MICB: variants seen among roughly 807,000 people sequenced by gnomAD.
MICB encodes MHC class I polypeptide-related sequence B.
In MICB, 27 loss-of-function variants were observed where a neutral mutation model predicts 34.3. The ratio of observed to expected loss-of-function variants is 0.79; its 90% CI spans 0.58 to 1.08. The LOEUF is 1.08. Ranked by LOEUF, MICB falls within the 50% of genes least tolerant of loss-of-function variation. The pLI is 0.00. For missense variants in MICB, 426 were observed against 483.1 expected (o/e 0.88, Z 1.11); for synonymous variants, 153 against 187.4 (o/e 0.82, Z 1.50).
In MICB at chr6:31,498,210, T is replaced by G. The variant is rs771392520; in HGVS notation, c.17T>G (p.Val6Gly). 11 of 1,584,870 alleles carry G rather than the reference T, an allele frequency of 6.9e-6. No homozygotes were observed. The South Asian group carries it at 1.2e-4, about 18-fold the overall frequency. MGLGR[V>G]LLFLAVAFPF... ...GTAGGGGCCATGGGGCTGGGCCGGGTCCTGCTGTTTCTGGCCGTCGCCTTC... is the reference window on the plus strand; with the variant it reads ...GTAGGGGCCATGGGGCTGGGCCGGGGCCTGCTGTTTCTGGCCGTCGCCTTC... Residue 6 changes from valine (V) to glycine (G), a missense_variant, in exon 1 of 6, where the codon GTC (valine) becomes GGC (glycine). Val to Gly is a moderately radical substitution (Grantham distance 109). Transcript: ENST00000252229.
chr6:31,496,366 C>CTTTTTTTTT (rs3034154), upstream of MICB, among the ~76,000 whole-genome samples: 24 of 121,630 alleles, frequency 2.0e-4, no homozygotes, highest in Non-Finnish European at 3.0e-4. Flanking sequence ...TCCTTTTTTT[C>CTTTTTTTTT]TTTTTTTTTT....
intron 1 of MICB, 116 bp downstream of exon 1, chr6:31,498,379 G>C (rs1408182728): frequency 1.3e-5 from 9 of 685,640 alleles, no homozygotes; most frequent in Non-Finnish European, 2.0e-5. Flanking sequence ...TGTGCTGTCT[G>C]GAGTGCAGGG....
At chr6:31,500,734 C>T (rs1764972889) in intron 1 of MICB, among the ~76,000 whole-genome samples, 1 of 152,182 alleles carries the variant, frequency 6.6e-6, no homozygotes. Flanking sequence ...TATTTCACTT[C>T]ACATGATGAC....
At chr6:31,501,574 T>C (rs1393320066) in intron 1 of MICB, among the ~76,000 whole-genome samples, 1 of 152,226 alleles carries the variant, frequency 6.6e-6, no homozygotes, top group African/African-American at 2.4e-5. Context: ...AGGTCATAGA[T>C]TTACATCTTT....
chr6:31,507,162 C>T lies in MICB; in HGVS notation c.754C>T (p.Gln252Ter). Residue 252 changes from glutamine to a stop codon, truncating the protein, a stop_gained, in exon 4 of 6, where the codon CAG becomes TAG. Transcript: ENST00000252229. LOFTEE classifies it high-confidence loss of function. This position sits in a 1 kb window ranked among gnomAD's most constrained non-coding sequence, Gnocchi z 6.0. ...GGTATCTTTGAGCCACAACACCCAG[C>T]AGTGGGGGGATGTCCTGCCTGATGG... ...DGVSLSHNTQ[Q>*]WGDVLPDGNG... 6.2e-7 allele frequency: 1 copy of T among 1,614,148 alleles called. No homozygotes were observed. The highest frequency in any genetic ancestry group is 8.5e-7 in the Non-Finnish European group (1 of 1,180,020).
chr6:31,503,986 T>TGTGTGTGTGTG (rs1371417972), intron 1 of MICB, among the ~76,000 whole-genome samples: 1,544 of 147,884 alleles, frequency 0.01, 13 homozygotes, highest in African/African-American at 0.021. Flanking sequence ...TGTGTGTGTG[T>TGTGTGTGTGTG]GATAATAGCC....
intron 1 of MICB, 108 bp from the exon 2 acceptor site, chr6:31,505,509 C>T (rs3134899): frequency 0.79 from 1,172,282 of 1,488,652 alleles, 463,851 homozygotes; most frequent in East Asian, 0.9. Context: ...TTTGCCCATG[C>T]GCATTTCCTG....
At chr6:31,506,472 G>C (rs902149957) in intron 3 of MICB, 42 bp downstream of exon 3, 2 of 1,589,842 alleles carry the variant, frequency 1.3e-6, no homozygotes, top group Non-Finnish European at 1.7e-6. Flanking sequence ...CCGCAATTCT[G>C]CTAGAGTTGC....
In MICB at chr6:31,498,236, C is replaced by T; in HGVS notation, c.43C>T (p.Pro15Ser). Reference sequence around the variant, plus strand: ...CCTGCTGTTTCTGGCCGTCGCCTTCCCTTTTGCACCCCCGGCAGCCGCCGC... The same window carrying T: ...CCTGCTGTTTCTGGCCGTCGCCTTCTCTTTTGCACCCCCGGCAGCCGCCGC... ...RVLLFLAVAF[P>S]FAPPAAAAEP... Residue 15 changes from proline (P) to serine (S), a missense_variant, in exon 1 of 6, where the codon CCT becomes TCT. Physicochemically the swap from Pro to Ser is moderately conservative, Grantham distance 74. Transcript: ENST00000252229. 1 of 1,583,174 alleles carries T rather than the reference C, an allele frequency of 6.3e-7. No individual in the cohort carries two copies. The highest frequency in any genetic ancestry group is 8.6e-7 in the Non-Finnish European group (1 of 1,162,954).
chr6:31,509,013 G>A (rs1376890291), intron 5 of MICB, among the ~76,000 whole-genome samples: 1 of 152,152 alleles, frequency 6.6e-6, no homozygotes, highest in Non-Finnish European at 1.5e-5. Flanking sequence ...CAAGGGCAGT[G>A]GCCTGGGTGG....
intron 5 of MICB, among the ~76,000 whole-genome samples, chr6:31,508,649 C>G (rs777558211): frequency 6.6e-6 from 1 of 152,204 alleles, no homozygotes; most frequent in Non-Finnish European, 1.5e-5. Flanking sequence ...GGGATTGTCA[C>G]TTCTGGTTCC....
intron 1 of MICB, among the ~76,000 whole-genome samples, chr6:31,502,208 G>C (rs560299796): frequency 6.6e-6 from 1 of 152,280 alleles, no homozygotes; most frequent in Non-Finnish European, 1.5e-5. Context: ...GGTGGCATAT[G>C]CCTGTAATCC....
chr6:31,506,730 G>A lies in MICB; in HGVS notation c.614-292G>A, dbSNP rs192400273. Among the ~76,000 whole-genome samples, 589 of 152,176 alleles carry A rather than the reference G, an allele frequency of 3.9e-3. 2 individuals are homozygous for A. Among genetic ancestry groups the A allele is most frequent in the Non-Finnish European group, 5.9e-3 (400 of 67,974 alleles). ...GCCAGGGCTGCCCCCTCTGCCTCCCGGCCTGCCCATCCCGGAGAGTTCCCT... is the reference window on the plus strand; with the variant it reads ...GCCAGGGCTGCCCCCTCTGCCTCCCAGCCTGCCCATCCCGGAGAGTTCCCT... On this transcript the variant is annotated intron_variant, in intron 3 of 5. Transcript: ENST00000252229.
Position 31,507,215 on chromosome 6 carries a change from CA to C in MICB, c.808del (p.Thr270ProfsTer75). 6.2e-7 allele frequency: 1 copy of C among 1,614,112 alleles called. No homozygotes were observed. The highest frequency in any genetic ancestry group is 8.5e-7 in the Non-Finnish European group (1 of 1,180,016). Reference protein sequence around the residue: ...GNGTYQTWVATRIRQGEEQRF... With the variant: ...GNGTYQTWVAXRIRQGEEQRF... ...ATGGAACCTACCAGACCTGGGTGGC[CA>C]CCAGGATTCGCCAAGGAGAGGAGCA... On this transcript the variant is annotated frameshift_variant, in exon 4 of 6. Transcript: ENST00000252229. LOFTEE classifies it high-confidence loss of function. This position sits in a 1 kb window ranked among gnomAD's most constrained non-coding sequence, Gnocchi z 6.0.
At chr6:31,501,771 A>G (rs1765030041) in intron 1 of MICB, among the ~76,000 whole-genome samples, 2 of 152,028 alleles carry the variant, frequency 1.3e-5, no homozygotes, top group Admixed American at 6.6e-5. Context: ...TGGGTTCTCT[A>G]TTCTGTTTCA....
upstream of MICB, among the ~76,000 whole-genome samples, chr6:31,497,887 G>A (rs532799482): frequency 1.7e-3 from 255 of 152,292 alleles, no homozygotes; most frequent in Non-Finnish European, 3.0e-3. Context: ...TCATAAGTTT[G>A]GAGCTGTACT....
chr6:31,509,893 C>T lies in MICB; in HGVS notation c.1136C>T (p.Ser379Phe), dbSNP rs767685205. ...ATGTCAGCTACTGGGTCCACTGGTT[C>T]CACTGAGGGCACCTAGACTCTACAG... ...PLMSATGSTGSTEGT is the reference protein window; with the variant it reads ...PLMSATGSTGFTEGT The change falls in exon 6 of 6, where the codon TCC becomes TTC. Residue 379 changes from serine to phenylalanine, a missense_variant. Coordinates refer to ENST00000252229, the MANE Select transcript of MICB (RefSeq NM_005931.5). 6.2e-7 allele frequency: 1 copy of T among 1,611,886 alleles called. No homozygotes were observed. The highest frequency in any genetic ancestry group is 2.2e-5 in the East Asian group (1 of 44,776).
intron 1 of MICB, among the ~76,000 whole-genome samples, chr6:31,502,248 A>G (rs1379189313): frequency 6.6e-6 from 1 of 152,228 alleles, no homozygotes; most frequent in Admixed American, 6.5e-5. Context: ...AGGCAGGAGA[A>G]TCGCTTGAAC....
intron 1 of MICB, among the ~76,000 whole-genome samples, chr6:31,504,532 T>C (rs548669906): frequency 1.2e-3 from 177 of 141,632 alleles, no homozygotes; most frequent in Admixed American, 6.7e-3. Flanking sequence ...GTGCTGGAAC[T>C]ACAGGCTTGA....
Sources: gnomAD v4.1 joint callset for allele counts (sites outside exome capture counted in the v4.1 genomes callset) on GRCh38, gnomAD v4.1.1 for gene constraint, Gnocchi (gnomAD v3.1) non-coding constraint, MANE v1.5 for transcripts, NCBI Gene and HGNC (gene_info 2026-07-23, HGNC 2026-07-21) for gene names.